Variants in HECW2 observed in about 807,000 individuals in gnomAD.
HECW2 encodes the protein HECT, C2 and WW domain containing E3 ubiquitin protein ligase 2, also known as E3 ubiquitin-protein ligase HECW2.
HECW2 carries 61 observed loss-of-function variants against 175.2 expected under a neutral mutation model. The ratio of observed to expected loss-of-function variants is 0.35; its 90% CI spans 0.28 to 0.43. HECW2 has a LOEUF of 0.43. Among genes scored for constraint, HECW2 ranks in the 20% least tolerant of loss-of-function variants. The pLI is 1.00. For synonymous variants in HECW2, 671 were observed against 731.0 expected, an observed-to-expected ratio of 0.92 and a Z score of 1.32; for missense variants, 1,524 against 2,000.5, an observed-to-expected ratio of 0.76 and a Z score of 4.54.
At chr2:196,225,533 A>C (rs1277510511) in intron 23 of HECW2, among the ~76,000 whole-genome samples, 2 of 152,206 alleles carry the variant, frequency 1.3e-5, no homozygotes, top group Non-Finnish European at 2.9e-5. Flanking sequence ...AATGAGAATA[A>C]ATTTTGGGGG....
chr2:196,283,148 G>T lies in HECW2; in HGVS notation c.3001-4486C>A, dbSNP rs977168473. On this transcript the variant is annotated intron_variant, in intron 14 of 28. Coordinates refer to ENST00000644978, the MANE Select transcript of HECW2 (RefSeq NM_001348768.2). ...GTGGTGGCAGGCACCTGTAGTCCCA[G>T]CTACTCGGGAGGCTGAGGTAGGAGA... 2.0e-5 allele frequency among the ~76,000 whole-genome samples: 3 copies of T among 149,860 alleles called. No individual in the cohort carries two copies. The East Asian group carries it at 6.1e-4, about 31-fold the overall frequency.
At chr2:196,207,378 A>G (rs1480875272) in intron 28 of HECW2, among the ~76,000 whole-genome samples, 1 of 151,128 alleles carries the variant, frequency 6.6e-6, no homozygotes, top group Non-Finnish European at 1.5e-5. Context: ...TTATTAACAC[A>G]ACTAATGGTA....
chr2:196,504,570 GC>G (rs1459477010), intron 1 of HECW2, among the ~76,000 whole-genome samples: 1 of 152,252 alleles, frequency 6.6e-6, no homozygotes, highest in East Asian at 1.9e-4. Flanking sequence ...TTAAGGAAAT[GC>G]TAACAGGTCC....
chr2:196,574,751 C>T (rs1483027991), intron 1 of HECW2, among the ~76,000 whole-genome samples: 3 of 152,044 alleles, frequency 2.0e-5, no homozygotes, highest in African/African-American at 7.2e-5. Context: ...ACACTAAAGG[C>T]ACCACATTTC....
At chr2:196,428,187 C>T (rs1345935273) in intron 2 of HECW2, among the ~76,000 whole-genome samples, 1 of 152,174 alleles carries the variant, frequency 6.6e-6, no homozygotes. Flanking sequence ...TCCTTTGGGA[C>T]TTATTTCTAT....
rs188102326 is a variant in HECW2 at position 196,409,788 on chromosome 2, C to T, written c.292+23344G>A. Among the ~76,000 whole-genome samples, 28 of 152,252 alleles carry T rather than the reference C, an allele frequency of 1.8e-4. No individual in the cohort carries two copies. In the East Asian group the frequency reaches 5.0e-3, roughly 27 times the overall value. ...GGTATGAGGGCAGGAATGAAAAGTGCCATGCTACCAGAAGATTTTTAAAAA... is the reference window on the plus strand; with the variant it reads ...GGTATGAGGGCAGGAATGAAAAGTGTCATGCTACCAGAAGATTTTTAAAAA... On this transcript the variant is annotated intron_variant, in intron 2 of 28. Coordinates refer to ENST00000644978, the MANE Select transcript of HECW2 (RefSeq NM_001348768.2).
rs1283733636 is a variant in HECW2, at chr2:196,274,128, A to C, written c.3136-5T>G. The C allele has an allele frequency of 6.2e-7, 1 of 1,606,332 alleles. No individual in the cohort carries two copies. The highest frequency in any genetic ancestry group is 8.5e-7 in the Non-Finnish European group (1 of 1,173,128). ...ATGTCGAGAATCTTCTCCTACCTGC[A>C]AACAGAAGCATCATTTATGTTCTGC... On this transcript the variant is annotated splice_region_variant and splice_polypyrimidine_tract_variant and intron_variant, in intron 15 of 28. Coordinates refer to ENST00000644978, the MANE Select transcript of HECW2 (RefSeq NM_001348768.2).
intron 2 of HECW2, among the ~76,000 whole-genome samples, chr2:196,395,434 T>C (rs1020977272): frequency 1.3e-5 from 2 of 152,098 alleles, no homozygotes; most frequent in African/African-American, 4.8e-5. Context: ...ATATACAGAA[T>C]AGGAGAAAAT....
chr2:196,278,565 T>G lies in HECW2; in HGVS notation c.3098A>C (p.Gln1033Pro), dbSNP rs752427557. The change falls in exon 15 of 29, where the codon CAA becomes CCA. Residue 1033 changes from glutamine (Q) to proline (P), a missense_variant. By Grantham distance (76) the Gln-to-Pro change is moderately conservative. Coordinates refer to ENST00000644978, the MANE Select transcript of HECW2 (RefSeq NM_001348768.2). Reference sequence around the variant, plus strand: ...GTGGCTGCGTTGCCTTGTCAGGTGTTGCCGATGAACCAGCGCACTTGTGGG... The same window carrying G: ...GTGGCTGCGTTGCCTTGTCAGGTGTGGCCGATGAACCAGCGCACTTGTGGG... Reference protein sequence around the residue: ...SRPTSALVHRQHLTRQRSHSA... With the variant: ...SRPTSALVHRPHLTRQRSHSA... 57 of 1,613,986 alleles carry G rather than the reference T, an allele frequency of 3.5e-5. No homozygotes were observed. The highest frequency in any genetic ancestry group is 4.4e-5 in the Non-Finnish European group (52 of 1,180,014).
intron 1 of HECW2, among the ~76,000 whole-genome samples, chr2:196,501,295 A>G (rs1483598574): frequency 6.6e-6 from 1 of 152,162 alleles, no homozygotes; most frequent in East Asian, 1.9e-4. Flanking sequence ...AAAGAATTTT[A>G]TTTTTTGAGA....
chr2:196,564,694 G>C (rs191966021), intron 1 of HECW2, among the ~76,000 whole-genome samples: 1 of 151,830 alleles, frequency 6.6e-6, no homozygotes, highest in Non-Finnish European at 1.5e-5. Flanking sequence ...ATTCACTACT[G>C]TTTTTTCTTA....
At chr2:196,248,691 A>G (rs1265485151) in intron 19 of HECW2, among the ~76,000 whole-genome samples, 2 of 147,464 alleles carry the variant, frequency 1.4e-5, no homozygotes, top group Admixed American at 6.7e-5. Context: ...GAGAATGAGC[A>G]GAGAAGAGGA....
At chr2:196,242,404 TG>T in intron 19 of HECW2, 200 bp from the exon 20 acceptor site, 1 of 594,240 alleles carries the variant, frequency 1.7e-6, no homozygotes, top group Non-Finnish European at 2.9e-6. Flanking sequence ...TGTGGCATTT[TG>T]GTTGAGAATA....
At chr2:196,282,263 C>T (rs1464667081) in intron 14 of HECW2, among the ~76,000 whole-genome samples, 13 of 152,166 alleles carry the variant, frequency 8.5e-5, no homozygotes, top group Admixed American at 8.5e-4. Context: ...TTCTGTCCTT[C>T]ACCCATCCTA....
At chr2:196,509,116 G>A (rs1213449997) in intron 1 of HECW2, among the ~76,000 whole-genome samples, 1 of 151,890 alleles carries the variant, frequency 6.6e-6, no homozygotes, top group Non-Finnish European at 1.5e-5. Context: ...TAGGATTGTG[G>A]GTTTTTTTTT....
intron 19 of HECW2, among the ~76,000 whole-genome samples, chr2:196,244,993 G>T: frequency 6.6e-6 from 1 of 152,148 alleles, no homozygotes; most frequent in South Asian, 2.1e-4. Context: ...AGAGTGTGTT[G>T]AGTAAATTAA....
chr2:196,319,534 G>C lies in HECW2; in HGVS notation c.1356C>G (p.Pro452=). The C allele has an allele frequency of 1.9e-6, 3 of 1,614,162 alleles. No homozygotes were observed. Among genetic ancestry groups the C allele is most frequent in the Non-Finnish European group, 2.5e-6 (3 of 1,180,028 alleles). The stretch of plus-strand genomic sequence containing the variant: ...GCATGGCATTGAGTCTTGTGTCAGT[G>C]GGAAAACTACTCCTCAGTTTCGGAG... ...GASPKLRSSF[P]TDTRLNAMLH... The change falls in exon 9 of 29, where the codon CCC becomes CCG. Residue 452 remains proline (P), a synonymous_variant. Transcript: ENST00000644978.
intron 1 of HECW2, among the ~76,000 whole-genome samples, chr2:196,504,117 G>A (rs1575612467): frequency 6.6e-6 from 1 of 152,002 alleles, no homozygotes; most frequent in Admixed American, 6.6e-5. Flanking sequence ...ATAACATAGT[G>A]TAACCTCATC....
chr2:196,349,978 C>T (rs533990202), intron 2 of HECW2, among the ~76,000 whole-genome samples: 13 of 152,174 alleles, frequency 8.5e-5, no homozygotes, highest in South Asian at 2.1e-4. Context: ...CAGATCCTCA[C>T]GGGTCACCAT....
Sources: gnomAD v4.1 joint callset for allele counts (sites outside exome capture counted in the v4.1 genomes callset) on GRCh38, gnomAD v4.1.1 for gene constraint, MANE v1.5 for transcripts, NCBI Gene and HGNC (gene_info 2026-07-23, HGNC 2026-07-21) for gene names.